The following MARCHF1 variants were observed in gnomAD, a reference collection of about 807,000 sequenced individuals.
MARCHF1 encodes the protein E3 ubiquitin-protein ligase MARCHF1.
In MARCHF1, 40 loss-of-function variants were observed where a neutral mutation model predicts 54.2. The ratio of observed to expected loss-of-function variants is 0.74; its 90% CI spans 0.57 to 0.96. The LOEUF (loss-of-function observed/expected upper bound fraction) is 0.96. Among genes scored for constraint, MARCHF1 ranks in the 40% least tolerant of loss-of-function variants. The probability of loss-of-function intolerance (pLI) is 0.00; values close to 1 mark genes in which losing one functional copy is unlikely to be tolerated. For missense variants in MARCHF1, 586 were observed against 656.5 expected (o/e 0.89, Z 1.17); for synonymous variants, 236 against 236.3 (o/e 1.00, Z 0.01).
intron 4 of MARCHF1, among the ~76,000 whole-genome samples, chr4:163,716,452 T>C (rs1745260021): frequency 6.6e-6 from 1 of 152,192 alleles, no homozygotes. Context: ...AAGTTAAACT[T>C]AGGCATCCTG....
chr4:164,225,925 C>A (rs1273465744), intron 1 of MARCHF1, among the ~76,000 whole-genome samples: 5 of 152,020 alleles, frequency 3.3e-5, no homozygotes, highest in Non-Finnish European at 7.4e-5. Flanking sequence ...TTAACCTATG[C>A]AAATTTCAGT....
At chr4:164,161,469 C>T (rs1730232374) in intron 1 of MARCHF1, among the ~76,000 whole-genome samples, 1 of 151,988 alleles carries the variant, frequency 6.6e-6, no homozygotes, top group Non-Finnish European at 1.5e-5. Flanking sequence ...GACTAATATG[C>T]CATGTTGGAT....
chr4:164,372,129 T>C (rs570760774), intron 1 of MARCHF1, among the ~76,000 whole-genome samples: 4 of 152,338 alleles, frequency 2.6e-5, no homozygotes, highest in South Asian at 2.1e-4. Context: ...ATGATCAATG[T>C]TGACATGTGA....
At chr4:163,943,700 A>G (rs4629392) in intron 3 of MARCHF1, among the ~76,000 whole-genome samples, 123,376 of 149,170 alleles carry the variant, frequency 0.83, 51,348 homozygotes, top group East Asian at 0.93. Flanking sequence ...AGAGAAGTTT[A>G]CCTACGTAAC....
At chr4:164,110,817 T>G (rs2111181700) in intron 2 of MARCHF1, among the ~76,000 whole-genome samples, 1 of 151,908 alleles carries the variant, frequency 6.6e-6, no homozygotes, top group Non-Finnish European at 1.5e-5. Flanking sequence ...AGGGACTATT[T>G]TATCTCAATA....
At chr4:163,943,748 T>TAAA (rs5863641) in intron 3 of MARCHF1, among the ~76,000 whole-genome samples, 3 of 123,492 alleles carry the variant, frequency 2.4e-5, no homozygotes, top group African/African-American at 9.1e-5. Context: ...AAATAGAAGT[T>TAAA]AAAAAAAAAA....
intron 1 of MARCHF1, among the ~76,000 whole-genome samples, chr4:164,137,527 G>A (rs921298045): frequency 7.9e-5 from 12 of 152,082 alleles, no homozygotes. Context: ...AGCGGAAAAT[G>A]CGTTTCAGAT....
intron 4 of MARCHF1, among the ~76,000 whole-genome samples, chr4:163,802,983 T>A (rs1409813265): frequency 6.6e-6 from 1 of 152,106 alleles, no homozygotes; most frequent in Non-Finnish European, 1.5e-5. Flanking sequence ...ACTATCTGAC[T>A]CACCCTTATC....
At chr4:164,231,509 T>A (rs1460885321) in intron 1 of MARCHF1, among the ~76,000 whole-genome samples, 1 of 152,170 alleles carries the variant, frequency 6.6e-6, no homozygotes, top group African/African-American at 2.4e-5. Flanking sequence ...ACGGTTAACA[T>A]GACATCTTTT....
chr4:164,297,482 C>T (rs892427318), intron 1 of MARCHF1, among the ~76,000 whole-genome samples: 9 of 152,200 alleles, frequency 5.9e-5, no homozygotes, highest in Non-Finnish European at 1.0e-4. Flanking sequence ...AAATGGGAGA[C>T]ATGCTATGAA....
At chr4:164,212,995 A>G (rs557592408) in intron 1 of MARCHF1, among the ~76,000 whole-genome samples, 38 of 152,310 alleles carry the variant, frequency 2.5e-4, no homozygotes, top group African/African-American at 9.1e-4. Flanking sequence ...AAGAAAGGAC[A>G]TAACAGCAAA....
chr4:164,082,002 G>C (rs991774680), intron 2 of MARCHF1, among the ~76,000 whole-genome samples: 1 of 152,166 alleles, frequency 6.6e-6, no homozygotes, highest in African/African-American at 2.4e-5. Flanking sequence ...ACATAGGCCT[G>C]TTCTGTGCGT....
At chr4:164,329,666 G>A (rs1735374596) in intron 1 of MARCHF1, among the ~76,000 whole-genome samples, 1 of 152,210 alleles carries the variant, frequency 6.6e-6, no homozygotes, top group Admixed American at 6.5e-5. Flanking sequence ...GTCTCAGGAA[G>A]CTTCCAATCA....
chr4:164,220,359 T>C (rs1732060381), intron 1 of MARCHF1, among the ~76,000 whole-genome samples: 1 of 147,458 alleles, frequency 6.8e-6, no homozygotes, highest in Non-Finnish European at 1.5e-5. Flanking sequence ...AATCCCTATA[T>C]ACATATTCCC....
At chr4:163,830,117 A>G (rs905088391) in intron 4 of MARCHF1, among the ~76,000 whole-genome samples, 3 of 152,138 alleles carry the variant, frequency 2.0e-5, no homozygotes, top group Non-Finnish European at 2.9e-5. Context: ...ATAGGATTCA[A>G]CTTACATTTA....
At chr4:163,895,018 CAT>C (rs1274381978) in intron 3 of MARCHF1, among the ~76,000 whole-genome samples, 4 of 147,698 alleles carry the variant, frequency 2.7e-5, no homozygotes, top group African/African-American at 9.9e-5. Context: ...CATACACACA[CAT>C]ATGCATGTGA....
At chr4:164,011,512 A>T (rs557675403) in intron 2 of MARCHF1, among the ~76,000 whole-genome samples, 3 of 152,330 alleles carry the variant, frequency 2.0e-5, no homozygotes, top group South Asian at 4.1e-4. Flanking sequence ...AGGTATATTT[A>T]AAAAAGCTCA....
intron 2 of MARCHF1, among the ~76,000 whole-genome samples, chr4:164,080,616 T>C (rs1052647999): frequency 6.6e-6 from 1 of 152,022 alleles, no homozygotes; most frequent in Admixed American, 6.6e-5. Context: ...TATTATCTTA[T>C]GTGAATTTCA....
At chr4:163,857,275 T>C (rs142600779) in intron 3 of MARCHF1, among the ~76,000 whole-genome samples, 1 of 152,238 alleles carries the variant, frequency 6.6e-6, no homozygotes, top group African/African-American at 2.4e-5. Context: ...ACAATATAGA[T>C]TCTAAAAATA....
Sources: allele counts gnomAD v4.1 joint callset (sites outside exome capture counted in the v4.1 genomes callset), GRCh38; gene constraint gnomAD v4.1.1; transcripts MANE v1.5; gene names NCBI Gene and HGNC (gene_info 2026-07-23, HGNC 2026-07-21).